The following GTF2IRD1 variants were observed in gnomAD, a reference collection of about 807,000 sequenced individuals.
GTF2IRD1 encodes the protein GTF2I repeat domain containing 1.
In GTF2IRD1, 26 loss-of-function variants were observed where a neutral mutation model predicts 113.2. That is an observed-to-expected ratio of 0.23 (90% confidence interval 0.17 to 0.32). The LOEUF (loss-of-function observed/expected upper bound fraction) is 0.32, where lower values mean the gene tolerates loss of function less well. GTF2IRD1 is among the 10% of genes least tolerant of loss of function. The pLI is 1.00. For synonymous variants in GTF2IRD1, 484 were observed against 529.1 expected, an observed-to-expected ratio of 0.91 and a Z score of 1.17; for missense variants, 864 against 1,280.8, an observed-to-expected ratio of 0.67 and a Z score of 4.97.
chr7:74,526,305 C>G (rs1333570302), intron 8 of GTF2IRD1, among the ~76,000 whole-genome samples: 1 of 152,184 alleles, frequency 6.6e-6, no homozygotes, highest in African/African-American at 2.4e-5. Context: ...AGCCGGAGCT[C>G]CCTCTGGGGA....
At chr7:74,569,987 G>A (rs1800593986) in intron 22 of GTF2IRD1, among the ~76,000 whole-genome samples, 1 of 152,172 alleles carries the variant, frequency 6.6e-6, no homozygotes, top group Non-Finnish European at 1.5e-5. Flanking sequence ...GACTGTGCAG[G>A]AACAGAGTAG....
At chr7:74,480,437 C>T (rs1352265285) in intron 1 of GTF2IRD1, among the ~76,000 whole-genome samples, 1 of 152,224 alleles carries the variant, frequency 6.6e-6, no homozygotes, top group Non-Finnish European at 1.5e-5. Flanking sequence ...TTGTCCGATC[C>T]CCCAGCCAAG....
intron 22 of GTF2IRD1, among the ~76,000 whole-genome samples, chr7:74,575,825 G>A (rs782163017): frequency 6.6e-6 from 1 of 152,126 alleles, no homozygotes; most frequent in Non-Finnish European, 1.5e-5. Flanking sequence ...GGGCTCAGGG[G>A]AGCAGTCCAG....
chr7:74,501,460 G>A (rs927228099), intron 1 of GTF2IRD1, among the ~76,000 whole-genome samples: 9 of 152,158 alleles, frequency 5.9e-5, no homozygotes, highest in Non-Finnish European at 7.4e-5. Context: ...TCTTCCCTCC[G>A]GAGGGGGCGG....
chr7:74,579,309 A>AT (rs1360419666), intron 22 of GTF2IRD1, among the ~76,000 whole-genome samples: 1 of 152,026 alleles, frequency 6.6e-6, no homozygotes, highest in African/African-American at 2.4e-5. Flanking sequence ...CTAAAAAAAA[A>AT]TTTTTTTTGA....
At chr7:74,560,343 A>C (rs1314028761) in intron 22 of GTF2IRD1, among the ~76,000 whole-genome samples, 2 of 151,898 alleles carry the variant, frequency 1.3e-5, no homozygotes, top group African/African-American at 4.8e-5. Context: ...CCGCAGAAGG[A>C]GGGGTGTCTG....
intron 8 of GTF2IRD1, among the ~76,000 whole-genome samples, chr7:74,524,814 G>A (rs782416482): frequency 1.3e-5 from 2 of 152,168 alleles, no homozygotes; most frequent in African/African-American, 4.8e-5. Flanking sequence ...GCAGTGAGTC[G>A]AGATCGTGGC....
chr7:74,454,309 G>T (rs1382165556), intron 1 of GTF2IRD1, 133 bp downstream of exon 1: 5 of 151,702 alleles, frequency 3.3e-5, no homozygotes, highest in Non-Finnish European at 7.4e-5. Context: ...ACAGGAGCTG[G>T]GGCCGGCTTT....
intron 1 of GTF2IRD1, among the ~76,000 whole-genome samples, chr7:74,503,276 G>T (rs1359875479): frequency 1.3e-5 from 2 of 152,160 alleles, no homozygotes; most frequent in East Asian, 3.9e-4. Flanking sequence ...GGCAGCAGCT[G>T]AGCTACCAGC....
chr7:74,490,255 C>T (rs570677207), intron 1 of GTF2IRD1, among the ~76,000 whole-genome samples: 21 of 152,146 alleles, frequency 1.4e-4, no homozygotes, highest in Non-Finnish European at 2.6e-4. Flanking sequence ...TGAGCCACTG[C>T]GCCCAGTGAG....
intron 20 of GTF2IRD1, among the ~76,000 whole-genome samples, chr7:74,558,361 T>TG (rs1799739095): frequency 8.4e-6 from 1 of 119,486 alleles, no homozygotes; most frequent in Non-Finnish European, 1.8e-5. Context: ...TTTTTTTTTT[T>TG]TTTTTTTTTT....
intron 22 of GTF2IRD1, among the ~76,000 whole-genome samples, chr7:74,581,711 C>T (rs782580089): frequency 9.9e-5 from 15 of 152,144 alleles, no homozygotes; most frequent in African/African-American, 1.4e-4. Flanking sequence ...TGCAGCTCTC[C>T]GAGATGCTCA....
At position 74,517,959 on chromosome 7, in the gene GTF2IRD1, C is replaced by T. The variant is rs886467166; in HGVS notation, c.422-180C>T. Among the ~76,000 whole-genome samples the T allele has an allele frequency of 5.9e-5, 9 of 152,278 alleles. No individual in the cohort carries two copies. In the East Asian group the frequency reaches 1.7e-3, roughly 30 times the overall value. On this transcript the variant is annotated intron_variant, in intron 4 of 26. Transcript: ENST00000424337. ...TGCAGACAATTGGGCCTTGTCCACA[C>T]CACCCACCCCCAGCCTGCAGGCGGT...
At chr7:74,573,878 A>T (rs1156348813) in intron 22 of GTF2IRD1, among the ~76,000 whole-genome samples, 2 of 152,238 alleles carry the variant, frequency 1.3e-5, no homozygotes, top group Non-Finnish European at 1.5e-5. Context: ...TTGGGGGCGC[A>T]GGTGCAGTCA....
intron 8 of GTF2IRD1, among the ~76,000 whole-genome samples, chr7:74,528,968 T>TAGAC (rs1797797242): frequency 6.7e-6 from 1 of 149,586 alleles, no homozygotes. Flanking sequence ...GATGGATGGA[T>TAGAC]GGATGGATGG....
intron 1 of GTF2IRD1, among the ~76,000 whole-genome samples, chr7:74,459,464 A>T (rs1793219176): frequency 6.6e-6 from 1 of 152,120 alleles, no homozygotes; most frequent in Admixed American, 6.5e-5. Flanking sequence ...GTCTCAAAAA[A>T]AAAAAGATAA....
At chr7:74,579,778 A>G (rs782096049) in intron 22 of GTF2IRD1, among the ~76,000 whole-genome samples, 5 of 152,022 alleles carry the variant, frequency 3.3e-5, no homozygotes, top group East Asian at 1.9e-4. Context: ...GGATCTTGCT[A>G]TGTTGCCCAG....
chr7:74,462,862 C>CGGGCCCCA (rs1793470926), intron 1 of GTF2IRD1, among the ~76,000 whole-genome samples: 24 of 152,398 alleles, frequency 1.6e-4, no homozygotes, highest in Non-Finnish European at 3.4e-4. Context: ...CTCCGGGCCT[C>CGGGCCCCA]TGGCCCCATG....
rs184100613 is a variant in GTF2IRD1, at chr7:74,470,718, A to G, written c.-7+16542A>G. Among the ~76,000 whole-genome samples the G allele has an allele frequency of 8.4e-3, 1,286 of 152,312 alleles. 28 individuals are homozygous for G. The highest frequency in any genetic ancestry group is 0.029 in the African/African-American group (1,194 of 41,580). On this transcript the variant is annotated intron_variant, in intron 1 of 26. Transcript: ENST00000424337. ...TGAAAAAGGATGAATGATGGATACCACACCACCACGGGGAAACCTCACGAG... is the reference window on the plus strand; with the variant it reads ...TGAAAAAGGATGAATGATGGATACCGCACCACCACGGGGAAACCTCACGAG...
Sources: gnomAD v4.1 joint callset for allele counts (sites outside exome capture counted in the v4.1 genomes callset) on GRCh38, gnomAD v4.1.1 for gene constraint, MANE v1.5 for transcripts, NCBI Gene and HGNC (gene_info 2026-07-23, HGNC 2026-07-21) for gene names.